Variants in LRRTM4 observed in about 807,000 individuals in gnomAD.
The protein encoded by LRRTM4 is leucine rich repeat transmembrane neuronal 4, also known as leucine-rich repeat transmembrane neuronal protein 4.
LRRTM4 carries 25 observed loss-of-function variants against 47.6 expected under a neutral mutation model. The ratio of observed to expected loss-of-function variants is 0.53; its 90% CI spans 0.38 to 0.73. LRRTM4 has a LOEUF of 0.73. Ranked by LOEUF, LRRTM4 falls within the 30% of genes least tolerant of loss-of-function variation. The pLI, the probability that LRRTM4 is intolerant of heterozygous loss-of-function variation, is 0.00. For synonymous variants in LRRTM4, 311 were observed against 269.5 expected, an observed-to-expected ratio of 1.15 and a Z score of -1.51; for missense variants, 638 against 713.4, an observed-to-expected ratio of 0.89 and a Z score of 1.20.
At chr2:77,517,406 A>G (rs1679251320) in intron 3 of LRRTM4, 6 of 984,416 alleles carry the variant, frequency 6.1e-6, no homozygotes, top group Non-Finnish European at 7.2e-6. Context: ...ACAAGAATAC[A>G]TATCATTTCT....
At chr2:77,061,882 C>T (rs1400191338) in intron 3 of LRRTM4, among the ~76,000 whole-genome samples, 1 of 152,128 alleles carries the variant, frequency 6.6e-6, no homozygotes, top group East Asian at 1.9e-4. Flanking sequence ...CCCAAGTTGA[C>T]TTTCAAAGTC....
At chr2:76,923,200 C>CT (rs769864330) in intron 3 of LRRTM4, among the ~76,000 whole-genome samples, 307 of 151,952 alleles carry the variant, frequency 2.0e-3, no homozygotes, top group Non-Finnish European at 3.7e-3. Context: ...ACTATATTTC[C>CT]ATTTCTAAGT....
chr2:77,296,617 A>T (rs1233240666), intron 3 of LRRTM4, among the ~76,000 whole-genome samples: 1 of 152,176 alleles, frequency 6.6e-6, no homozygotes, highest in Non-Finnish European at 1.5e-5. Context: ...TTTATTTGGG[A>T]CAAGTAAACA....
chr2:77,399,020 T>C (rs1208251048), intron 3 of LRRTM4, among the ~76,000 whole-genome samples: 1 of 151,794 alleles, frequency 6.6e-6, no homozygotes, highest in East Asian at 1.9e-4. Flanking sequence ...GCAGTTCTCC[T>C]GTCCATCCTG....
At chr2:76,898,641 T>G (rs1673507186) in intron 3 of LRRTM4, among the ~76,000 whole-genome samples, 1 of 150,254 alleles carries the variant, frequency 6.7e-6, no homozygotes, top group Non-Finnish European at 1.5e-5. Context: ...TATTCAAATA[T>G]GCATTAATGT....
At chr2:76,905,492 T>C (rs990196246) in intron 3 of LRRTM4, among the ~76,000 whole-genome samples, 1 of 152,132 alleles carries the variant, frequency 6.6e-6, no homozygotes, top group Non-Finnish European at 1.5e-5. Context: ...GGAAAAAAGC[T>C]GGACGGAGAA....
In LRRTM4 at chr2:77,044,845, A is replaced by G. The variant is rs113818184; in HGVS notation, c.1552-295929T>C. Among the ~76,000 whole-genome samples the G allele has an allele frequency of 6.6e-3, 1,006 of 151,878 alleles. 12 individuals are homozygous for G. The highest frequency in any genetic ancestry group is 0.023 in the African/African-American group (970 of 41,440). On this transcript the variant is annotated intron_variant, in intron 3 of 3. Transcript: ENST00000409884. ...AATATATATGCATGTAGGTGGCACA[A>G]ATGAGACCTATATAAACATACACAG...
chr2:76,809,667 G>A (rs896747257), intron 3 of LRRTM4, among the ~76,000 whole-genome samples: 2 of 152,130 alleles, frequency 1.3e-5, no homozygotes, highest in African/African-American at 4.8e-5. Context: ...CTTAGTGTCT[G>A]CCATGCCATA....
chr2:77,279,152 T>C (rs1676443155), intron 3 of LRRTM4, among the ~76,000 whole-genome samples: 1 of 152,020 alleles, frequency 6.6e-6, no homozygotes, highest in Non-Finnish European at 1.5e-5. Flanking sequence ...TGGGATCAAC[T>C]GACTCACTGC....
chr2:76,998,097 C>T (rs1214935308), intron 3 of LRRTM4, among the ~76,000 whole-genome samples: 1 of 151,894 alleles, frequency 6.6e-6, no homozygotes, highest in Non-Finnish European at 1.5e-5. Context: ...AAATAAATTG[C>T]ACAATACATG....
chr2:76,985,619 T>G (rs1186269145), intron 3 of LRRTM4, among the ~76,000 whole-genome samples: 5 of 151,968 alleles, frequency 3.3e-5, no homozygotes, highest in Non-Finnish European at 7.4e-5. Flanking sequence ...TCAAATGTCT[T>G]GCCGCATGAT....
intron 3 of LRRTM4, among the ~76,000 whole-genome samples, chr2:77,172,454 C>G (rs1444841690): frequency 6.6e-6 from 1 of 152,074 alleles, no homozygotes; most frequent in South Asian, 2.1e-4. Flanking sequence ...ACTAGCCAGA[C>G]GTGGTGGGTC....
chr2:77,522,077 AAG>A, intron 1 of LRRTM4, 30 bp downstream of exon 1: 1 of 715,752 alleles, frequency 1.4e-6, no homozygotes, highest in Non-Finnish European at 2.6e-6. Context: ...TCTCTGTAAA[AAG>A]AGAGGAAAAA....
At chr2:77,337,136 T>A (rs1412995473) in intron 3 of LRRTM4, among the ~76,000 whole-genome samples, 1 of 151,990 alleles carries the variant, frequency 6.6e-6, no homozygotes, top group African/African-American at 2.4e-5. Context: ...ACAAAAATAA[T>A]AAAATACCTA....
rs542925062 is a variant in LRRTM4, at chr2:77,220,855, C to T, written c.1551+297463G>A. ...ATTCAAATTCAGGAAATACAGAGAA[C>T]GCCACAAAGATACTCCTTGAGAAGA... On this transcript the variant is annotated intron_variant, in intron 3 of 3. Transcript: ENST00000409884. Among the ~76,000 whole-genome samples, 39 of 152,174 alleles carry T rather than the reference C, an allele frequency of 2.6e-4. 1 individual carries two copies. The highest frequency in any genetic ancestry group is 6.8e-3 in the Middle Eastern group (2 of 294).
At chr2:77,489,588 C>A (rs1678058910) in intron 3 of LRRTM4, among the ~76,000 whole-genome samples, 2 of 152,112 alleles carry the variant, frequency 1.3e-5, no homozygotes, top group South Asian at 4.1e-4. Flanking sequence ...ATGTGGACCA[C>A]AGTGCTTAAG....
chr2:77,167,085 AC>A (rs1672907474), intron 3 of LRRTM4, among the ~76,000 whole-genome samples: 2 of 152,208 alleles, frequency 1.3e-5, no homozygotes, highest in African/African-American at 2.4e-5. Context: ...CCCAGAACCT[AC>A]AAAAAACTTA....
intron 3 of LRRTM4, among the ~76,000 whole-genome samples, chr2:77,421,483 G>A (rs1284786221): frequency 2.0e-5 from 3 of 152,106 alleles, no homozygotes; most frequent in Admixed American, 1.3e-4. Context: ...CGAGGCGGGC[G>A]GATCACGAAG....
At chr2:77,123,196 G>T (rs1185109228) in intron 3 of LRRTM4, among the ~76,000 whole-genome samples, 1 of 141,588 alleles carries the variant, frequency 7.1e-6, no homozygotes, top group Non-Finnish European at 1.5e-5. Flanking sequence ...GTTCCTTTGT[G>T]TTCAGCTTCA....
Sources: gnomAD v4.1 joint callset for allele counts (sites outside exome capture counted in the v4.1 genomes callset) on GRCh38, gnomAD v4.1.1 for gene constraint, MANE v1.5 for transcripts, NCBI Gene and HGNC (gene_info 2026-07-23, HGNC 2026-07-21) for gene names.